Variants in CNTN5 observed in about 807,000 individuals in gnomAD.
CNTN5 encodes contactin 5.
CNTN5 carries 77 observed loss-of-function variants against 129.1 expected under a neutral mutation model. That is an observed-to-expected ratio of 0.60 (90% CI 0.50 to 0.72). The LOEUF is 0.72. Among genes scored for constraint, CNTN5 ranks in the 30% least tolerant of loss-of-function variants. The pLI is 0.00. For synonymous variants in CNTN5, 509 were observed against 465.6 expected (o/e 1.09, Z -1.20); for missense variants, 1,478 against 1,328.8 (o/e 1.11, Z -1.75).
intron 19 of CNTN5, 82 bp from the exon 20 acceptor site, chr11:100,299,080 A>T: frequency 4.5e-6 from 4 of 887,014 alleles, no homozygotes; most frequent in Admixed American, 2.9e-5. Flanking sequence ...GCTATCTATA[A>T]TTTTTTTTAA....
intron 18 of CNTN5, among the ~76,000 whole-genome samples, chr11:100,296,576 G>C (rs1221274854): frequency 1.3e-5 from 2 of 151,624 alleles, no homozygotes; most frequent in Non-Finnish European, 3.0e-5. Context: ...AGGGCCAAAC[G>C]ATACTGAAAC....
At chr11:99,928,630 G>A (rs1950118799) in intron 7 of CNTN5, among the ~76,000 whole-genome samples, 1 of 152,176 alleles carries the variant, frequency 6.6e-6, no homozygotes, top group African/African-American at 2.4e-5. Context: ...AGGGCACCAA[G>A]TCTTGAGTCT....
rs192636579 is a variant in CNTN5 at position 100,025,422 on chromosome 11, G to A, written c.980+23286G>A. Among the ~76,000 whole-genome samples, 1,187 of 152,330 alleles carry A rather than the reference G, an allele frequency of 7.8e-3. 46 individuals are homozygous for A. Among genetic ancestry groups the A allele is most frequent in the Admixed American group, 0.065 (994 of 15,296 alleles). ...AACCTATGCTGGTGCAGTGCAGAAG[G>A]GAACTGTTGGGTTGGAGACACCCCC... On this transcript the variant is annotated intron_variant, in intron 9 of 24. Transcript: ENST00000524871.
intron 1 of CNTN5, among the ~76,000 whole-genome samples, chr11:99,169,370 A>ATGTGTGTGTG (rs72294394): frequency 1.6e-5 from 2 of 128,576 alleles, no homozygotes; most frequent in East Asian, 2.0e-4. Context: ...GCAATAAGCT[A>ATGTGTGTGTG]TATGTGTGTG....
At chr11:99,426,685 T>C (rs1441768905) in intron 2 of CNTN5, among the ~76,000 whole-genome samples, 4 of 152,192 alleles carry the variant, frequency 2.6e-5, no homozygotes, top group African/African-American at 7.2e-5. Context: ...AAATTAGCCC[T>C]TACAGTCTCC....
At chr11:99,597,712 T>G (rs1950168983) in intron 3 of CNTN5, among the ~76,000 whole-genome samples, 1 of 152,134 alleles carries the variant, frequency 6.6e-6, no homozygotes, top group African/African-American at 2.4e-5. Context: ...TAAGTGTTCC[T>G]CCAGTGCCCA....
intron 4 of CNTN5, among the ~76,000 whole-genome samples, chr11:99,839,825 C>G (rs1481552359): frequency 6.6e-6 from 1 of 151,576 alleles, no homozygotes; most frequent in Non-Finnish European, 1.5e-5. Flanking sequence ...CAAAGTCAAA[C>G]AAAAAAGAAG....
At chr11:99,432,769 G>A (rs534994423) in intron 2 of CNTN5, among the ~76,000 whole-genome samples, 81 of 151,992 alleles carry the variant, frequency 5.3e-4, no homozygotes, top group African/African-American at 1.8e-3. Flanking sequence ...TAATGAAAGG[G>A]ATGAGATTGT....
rs149164955 is a variant in CNTN5 at position 99,310,160 on chromosome 11, A to T, written c.-209-15186A>T. On this transcript the variant is annotated intron_variant, in intron 1 of 24. Coordinates refer to ENST00000524871, the MANE Select transcript of CNTN5 (RefSeq NM_014361.4). Reference sequence around the variant, plus strand: ...TGCCAATTTTGCCTCAAAAGTTGTGAATACGCACGCATAAGTATCTGCACA... The same window carrying T: ...TGCCAATTTTGCCTCAAAAGTTGTGTATACGCACGCATAAGTATCTGCACA... 3.1e-3 allele frequency among the ~76,000 whole-genome samples: 473 copies of T among 152,290 alleles called. 5 individuals carry two copies. Among genetic ancestry groups the T allele is most frequent in the African/African-American group, 0.011 (450 of 41,570 alleles).
chr11:99,678,320 A>C (rs766454553), intron 3 of CNTN5, among the ~76,000 whole-genome samples: 3 of 151,578 alleles, frequency 2.0e-5, no homozygotes, highest in Admixed American at 1.3e-4. Flanking sequence ...AAATGTTACA[A>C]AGAAGGATTA....
chr11:99,379,762 C>T (rs1016479637), intron 2 of CNTN5, among the ~76,000 whole-genome samples: 2 of 152,050 alleles, frequency 1.3e-5, no homozygotes, highest in African/African-American at 4.8e-5. Context: ...GATCCTAAAG[C>T]TTTGGTGGGT....
At chr11:99,228,025 A>G (rs1367983407) in intron 1 of CNTN5, among the ~76,000 whole-genome samples, 1 of 152,078 alleles carries the variant, frequency 6.6e-6, no homozygotes, top group Non-Finnish European at 1.5e-5. Context: ...TATGTATTGT[A>G]CCATCGCTTG....
At chr11:99,848,847 T>G (rs1591306231) in intron 6 of CNTN5, among the ~76,000 whole-genome samples, 2 of 152,312 alleles carry the variant, frequency 1.3e-5, no homozygotes, top group South Asian at 4.1e-4. Flanking sequence ...AGTCTATTTT[T>G]GAGGTACCAA....
chr11:99,112,609 ATC>A, intron 1 of CNTN5, among the ~76,000 whole-genome samples: 1 of 152,166 alleles, frequency 6.6e-6, no homozygotes. Context: ...AAGCCTTAAA[ATC>A]CATGAATGAT....
intron 1 of CNTN5, among the ~76,000 whole-genome samples, chr11:99,188,819 G>A (rs1286696338): frequency 2.0e-5 from 3 of 151,572 alleles, no homozygotes; most frequent in African/African-American, 4.8e-5. Flanking sequence ...GAGTTAATTA[G>A]CATATGCATT....
chr11:99,473,169 A>AT (rs1401247637), intron 2 of CNTN5, among the ~76,000 whole-genome samples: 1 of 152,112 alleles, frequency 6.6e-6, no homozygotes, highest in African/African-American at 2.4e-5. Context: ...TAGACAAATT[A>AT]TTTTTACTAT....
intron 2 of CNTN5, among the ~76,000 whole-genome samples, chr11:99,498,947 A>C (rs2726372): frequency 6.6e-6 from 1 of 152,146 alleles, no homozygotes; most frequent in Non-Finnish European, 1.5e-5. Flanking sequence ...TTGTTTGGTA[A>C]AGCAAAATTC....
intron 10 of CNTN5, among the ~76,000 whole-genome samples, chr11:100,063,151 C>T (rs1292832322): frequency 6.6e-6 from 1 of 152,042 alleles, no homozygotes; most frequent in East Asian, 1.9e-4. Context: ...GGGACTGAGG[C>T]TCCTACATAG....
At chr11:99,684,322 G>C (rs993867747) in intron 3 of CNTN5, among the ~76,000 whole-genome samples, 17 of 151,664 alleles carry the variant, frequency 1.1e-4, no homozygotes, top group African/African-American at 3.1e-4. Flanking sequence ...ACTCATTTTT[G>C]TTTTATTTCT....
Sources: allele counts gnomAD v4.1 joint callset (sites outside exome capture counted in the v4.1 genomes callset), GRCh38; gene constraint gnomAD v4.1.1; transcripts MANE v1.5; gene names NCBI Gene and HGNC (gene_info 2026-07-23, HGNC 2026-07-21).